The following SGSM1 variants were observed in gnomAD, a reference collection of about 807,000 sequenced individuals.
SGSM1 encodes the protein small G protein signaling modulator 1, also known as RUN and TBC1 domain containing 2.
SGSM1 carries 73 observed loss-of-function variants against 133.8 expected under a neutral mutation model. That is an observed-to-expected ratio of 0.55 (90% confidence interval 0.45 to 0.66). SGSM1 has a LOEUF of 0.66. SGSM1 is among the 30% of genes least tolerant of loss of function. The pLI is 0.00. For missense variants in SGSM1, 1,213 were observed against 1,448.1 expected (o/e 0.84, Z 2.64); for synonymous variants, 563 against 573.0 (o/e 0.98, Z 0.25).
At chr22:24,854,180 C>T (rs776473674) in intron 5 of SGSM1, among the ~76,000 whole-genome samples, 18 of 152,252 alleles carry the variant, frequency 1.2e-4, no homozygotes, top group Middle Eastern at 3.4e-3. Context: ...TTTTTCAGAG[C>T]CAGATCCCAG....
At chr22:24,910,577 T>C (rs1312189117) in intron 21 of SGSM1, among the ~76,000 whole-genome samples, 1 of 151,352 alleles carries the variant, frequency 6.6e-6, no homozygotes, top group African/African-American at 2.4e-5. Context: ...AGCCCAGGAG[T>C]TGGAGGTTGC....
At chr22:24,873,782 G>A (rs1402665670) in intron 12 of SGSM1, among the ~76,000 whole-genome samples, 8 of 152,152 alleles carry the variant, frequency 5.3e-5, no homozygotes, top group Non-Finnish European at 7.4e-5. Context: ...GAGTCTGGGA[G>A]ATCAGGGCTG....
intron 9 of SGSM1, among the ~76,000 whole-genome samples, chr22:24,860,920 A>ATATATATATATATAT (rs57042550): frequency 3.2e-5 from 2 of 63,402 alleles, no homozygotes; most frequent in African/African-American, 1.9e-4. Flanking sequence ...AAAAAAAAAA[A>ATATATATATATATAT]AAATATATAT....
Position 24,901,822 on chromosome 22 carries a change from A to G in SGSM1, c.2611-11A>G. 1 of 1,612,176 alleles carries G rather than the reference A, an allele frequency of 6.2e-7. No homozygotes were observed. Among genetic ancestry groups the G allele is most frequent in the Non-Finnish European group, 8.5e-7 (1 of 1,179,244 alleles). On this transcript the variant is annotated splice_polypyrimidine_tract_variant and intron_variant, in intron 19 of 24. Coordinates refer to ENST00000400358, the MANE Select transcript of SGSM1 (RefSeq NM_001098497.3). Reference sequence around the variant, plus strand: ...TTTCTTCCCCCTACCCCCTGCCCCGATGGCCTATAGCCAGAGCTGCTGGAT... The same window carrying G: ...TTTCTTCCCCCTACCCCCTGCCCCGGTGGCCTATAGCCAGAGCTGCTGGAT...
At chr22:24,827,305 C>T (rs1928853924) in intron 2 of SGSM1, among the ~76,000 whole-genome samples, 1 of 151,172 alleles carries the variant, frequency 6.6e-6, no homozygotes, top group South Asian at 2.1e-4. Flanking sequence ...CTGGGTTTCC[C>T]TGCCTGGAAT....
chr22:24,900,624 C>T (rs976459584), intron 19 of SGSM1, among the ~76,000 whole-genome samples: 3 of 151,958 alleles, frequency 2.0e-5, no homozygotes, highest in African/African-American at 4.8e-5. Context: ...CTCAAACTCT[C>T]GACCTCAAGT....
chr22:24,869,799 C>T (rs549450294), intron 12 of SGSM1, among the ~76,000 whole-genome samples: 29 of 152,266 alleles, frequency 1.9e-4, no homozygotes, highest in African/African-American at 6.7e-4. Flanking sequence ...CGGTGCCTGC[C>T]GTGACACAGA....
chr22:24,905,077 C>A (rs775934578), intron 20 of SGSM1, 28 bp from the exon 21 acceptor site: 1 of 1,608,054 alleles, frequency 6.2e-7, no homozygotes, highest in Non-Finnish European at 8.5e-7. Flanking sequence ...CCACGGCTGC[C>A]ATCATTGGCC....
At chr22:24,868,994 T>C (rs560276285) in intron 12 of SGSM1, 139 bp downstream of exon 12, 274 of 1,309,734 alleles carry the variant, frequency 2.1e-4, no homozygotes, top group Non-Finnish European at 2.7e-4. Flanking sequence ...GTCGGTTTCT[T>C]GGCAGCCTCA....
intron 3 of SGSM1, among the ~76,000 whole-genome samples, chr22:24,846,041 CTTT>C (rs11320292): frequency 3.3e-5 from 3 of 91,300 alleles, no homozygotes; most frequent in Admixed American, 1.2e-4. Context: ...CTCTTTCTTT[CTTT>C]TTTTTTTTTT....
At chr22:24,894,347 T>A (rs1030072715) in intron 17 of SGSM1, among the ~76,000 whole-genome samples, 9 of 152,194 alleles carry the variant, frequency 5.9e-5, no homozygotes, top group African/African-American at 2.2e-4. Context: ...AAGCCGAGAT[T>A]GCATCACTGC....
At chr22:24,862,708 T>G (rs1328214066) in intron 9 of SGSM1, among the ~76,000 whole-genome samples, 1 of 152,124 alleles carries the variant, frequency 6.6e-6, no homozygotes, top group Non-Finnish European at 1.5e-5. Flanking sequence ...TTCTCAGAGC[T>G]TACATTCTAC....
intron 8 of SGSM1, among the ~76,000 whole-genome samples, chr22:24,858,810 T>C (rs576451541): frequency 2.0e-5 from 3 of 152,310 alleles, no homozygotes; most frequent in African/African-American, 7.2e-5. Context: ...TCAAATCTTT[T>C]TGAAGACATG....
At chr22:24,825,963 G>A (rs554981681) in intron 2 of SGSM1, among the ~76,000 whole-genome samples, 1 of 152,286 alleles carries the variant, frequency 6.6e-6, no homozygotes, top group Non-Finnish European at 1.5e-5. Flanking sequence ...AGAGGAGCAG[G>A]GGACAGCTGG....
At chr22:24,887,225 G>A (rs1446120782) in intron 16 of SGSM1, among the ~76,000 whole-genome samples, 1 of 151,312 alleles carries the variant, frequency 6.6e-6, no homozygotes, top group South Asian at 2.1e-4. Flanking sequence ...GGACCCCCAC[G>A]TTGTCCTTTT....
intron 12 of SGSM1, among the ~76,000 whole-genome samples, chr22:24,876,231 C>T (rs967350515): frequency 2.0e-5 from 3 of 152,192 alleles, no homozygotes; most frequent in Admixed American, 6.5e-5. Context: ...CCAGCAGGCT[C>T]CCCTTCCCTC....
At chr22:24,808,639 A>G (rs921159403) in intron 2 of SGSM1, among the ~76,000 whole-genome samples, 8 of 152,192 alleles carry the variant, frequency 5.3e-5, no homozygotes, top group African/African-American at 1.9e-4. Flanking sequence ...CCAGTAAGAC[A>G]TCTGGGGAAG....
At chr22:24,820,891 A>G (rs565841978) in intron 2 of SGSM1, among the ~76,000 whole-genome samples, 1 of 152,376 alleles carries the variant, frequency 6.6e-6, no homozygotes, top group East Asian at 1.9e-4. Context: ...CGATGAATTC[A>G]GAAATGGATG....
At chr22:24,822,920 C>T (rs1928566517) in intron 2 of SGSM1, among the ~76,000 whole-genome samples, 1 of 152,224 alleles carries the variant, frequency 6.6e-6, no homozygotes, top group African/African-American at 2.4e-5. Context: ...ATGACACCTA[C>T]AATGCATGGT....
Sources: allele counts gnomAD v4.1 joint callset (sites outside exome capture counted in the v4.1 genomes callset), GRCh38; gene constraint gnomAD v4.1.1; transcripts MANE v1.5; gene names NCBI Gene and HGNC (gene_info 2026-07-23, HGNC 2026-07-21).